Variants in GRIP2 observed in about 807,000 individuals in gnomAD.
GRIP2 encodes the protein glutamate receptor interacting protein 2.
Under a neutral mutation model 108.3 loss-of-function variants are expected in GRIP2, and 58 were observed. The observed-to-expected ratio is 0.54, with a 90% CI of 0.43 to 0.67. GRIP2 has a LOEUF of 0.67. Ranked by LOEUF, GRIP2 falls within the 30% of genes least tolerant of loss-of-function variation. The probability of loss-of-function intolerance (pLI) is 0.00; values close to 1 mark genes in which losing one functional copy is unlikely to be tolerated. For missense variants in GRIP2, 1,278 were observed against 1,430.6 expected (o/e 0.89, Z 1.72); for synonymous variants, 586 against 598.2 (o/e 0.98, Z 0.30).
chr3:14,521,812 C>G lies in GRIP2; in HGVS notation c.567-25G>C. On this transcript the variant is annotated intron_variant, in intron 6 of 23. Coordinates refer to ENST00000621039, the MANE Select transcript of GRIP2 (RefSeq NM_001080423.4). The surrounding 1 kb of genome is among the most constrained non-coding windows in gnomAD (Gnocchi z 5.1). ...CCTGTAGGGAAGGGCCAGTCACCAGCCTGGCCCGGCAGCAGCACTGGGCAC... is the reference window on the plus strand; with the variant it reads ...CCTGTAGGGAAGGGCCAGTCACCAGGCTGGCCCGGCAGCAGCACTGGGCAC... The G allele has an allele frequency of 6.4e-7, 1 of 1,556,118 alleles. No individual in the cohort carries two copies. The highest frequency in any genetic ancestry group is 1.2e-5 in the South Asian group (1 of 82,246).
chr3:14,518,111 C>G (rs1171523740), intron 9 of GRIP2, among the ~76,000 whole-genome samples: 2 of 152,192 alleles, frequency 1.3e-5, no homozygotes, highest in African/African-American at 4.8e-5. Flanking sequence ...GAGGCAGGGA[C>G]AGGAGAGAGA....
the GRIP2 span, among the ~76,000 whole-genome samples, chr3:14,583,951 G>A: frequency 6.6e-6 from 1 of 152,168 alleles, no homozygotes; most frequent in Non-Finnish European, 1.5e-5. Flanking sequence ...AGTTTGAGCA[G>A]CCCTAGAATT....
chr3:14,509,703 C>A (rs1694029771), intron 17 of GRIP2, 117 bp downstream of exon 17: 4 of 1,079,434 alleles, frequency 3.7e-6, no homozygotes, highest in Non-Finnish European at 4.9e-6. Context: ...CCCAATGTCA[C>A]CCACAGTGTC....
rs754419308 is a variant in GRIP2 at position 14,496,423 on chromosome 3, C to T, written c.2817G>A (p.Met939Ile). The T allele has an allele frequency of 3.1e-6, 5 of 1,609,868 alleles. No homozygotes were observed. In the South Asian group the frequency reaches 5.5e-5, roughly 18 times the overall value. The stretch of plus-strand genomic sequence containing the variant: ...GCTCACCCCCTGTGCCTACCTTGTG[C>T]ATCTCCAAGGGTGTAGGCAGCAACA... ...EELLLPTPLE[M>I]HKVTLHKDPM... The change falls in exon 22 of 24, where the codon ATG (methionine) becomes ATA (isoleucine). Residue 939 changes from methionine (M) to isoleucine (I), a missense_variant. Met to Ile is a conservative substitution (Grantham distance 10). Coordinates refer to ENST00000621039, the MANE Select transcript of GRIP2 (RefSeq NM_001080423.4).
chr3:14,574,113 T>C, the GRIP2 span: 1 of 1,087,276 alleles, frequency 9.2e-7, no homozygotes, highest in Admixed American at 1.7e-5. Flanking sequence ...CATCGTTTCA[T>C]GCTGTGAGAA....
upstream of GRIP2, among the ~76,000 whole-genome samples, chr3:14,541,142 G>A (rs1437431181): frequency 6.6e-6 from 1 of 152,258 alleles, no homozygotes; most frequent in Non-Finnish European, 1.5e-5. Context: ...GGACTGACCA[G>A]GCTGATCTTA....
chr3:14,595,492 A>T, the GRIP2 span, among the ~76,000 whole-genome samples: 6 of 152,182 alleles, frequency 3.9e-5, no homozygotes, highest in Non-Finnish European at 5.9e-5. Context: ...TTAGACGCAC[A>T]CAGCATCCCC....
chr3:14,586,595 G>A, the GRIP2 span, among the ~76,000 whole-genome samples: 1 of 152,206 alleles, frequency 6.6e-6, no homozygotes, highest in East Asian at 1.9e-4. Context: ...GGAATGTAGA[G>A]AGGGATAAAT....
In GRIP2 at chr3:14,517,088, G is replaced by A. The variant is rs1205562054; in HGVS notation, c.1282C>T (p.Arg428Ter). 19 of 1,596,532 alleles carry A rather than the reference G, an allele frequency of 1.2e-5. No homozygotes were observed. The highest frequency in any genetic ancestry group is 2.3e-5 in the South Asian group (2 of 88,530). Residue 428 changes from arginine to a stop codon, truncating the protein, a stop_gained, in exon 11 of 24, where the codon CGA becomes TGA. Transcript: ENST00000621039. LOFTEE classifies it high-confidence loss of function. ...PRTTMGRRRQ[R>*]RREHKSSLSL... ...CACGAGCTCTTGTGTTCCCTTCTTCGCTGCCTCCTCCGCCCCATTGTAGTT... is the reference window on the plus strand; with the variant it reads ...CACGAGCTCTTGTGTTCCCTTCTTCACTGCCTCCTCCGCCCCATTGTAGTT...
the GRIP2 span, among the ~76,000 whole-genome samples, chr3:14,601,185 C>T: frequency 1.3e-5 from 2 of 152,168 alleles, no homozygotes; most frequent in African/African-American, 4.8e-5. Context: ...CTGTTCTGGA[C>T]TGTGTGCTTT....
chr3:14,509,342 C>T (rs1295810044), intron 17 of GRIP2, among the ~76,000 whole-genome samples: 1 of 152,236 alleles, frequency 6.6e-6, no homozygotes, highest in East Asian at 1.9e-4. Context: ...CTCTGACCTC[C>T]ACCTCACCCT....
At chr3:14,501,972 G>A (rs1057110509) in intron 21 of GRIP2, among the ~76,000 whole-genome samples, 1 of 152,000 alleles carries the variant, frequency 6.6e-6, no homozygotes, top group African/African-American at 2.4e-5. Flanking sequence ...AAAGATGGAC[G>A]ATCAGAAGAA....
intron 1 of GRIP2, among the ~76,000 whole-genome samples, chr3:14,527,406 G>GGAAAGA (rs1553599335): frequency 8.6e-6 from 1 of 116,496 alleles, no homozygotes; most frequent in Non-Finnish European, 1.9e-5. Flanking sequence ...GGAAAGGAAA[G>GGAAAGA]AAGGAAAGCG....
At chr3:14,525,733 A>G (rs1694536461) in intron 2 of GRIP2, 118 bp downstream of exon 2, 1 of 1,308,744 alleles carries the variant, frequency 7.6e-7, no homozygotes, top group South Asian at 1.3e-5. Context: ...AGAGAGGTTA[A>G]GTGGCTGGTC....
At chr3:14,559,994 C>T (rs141241788), upstream of GRIP2, among the ~76,000 whole-genome samples, 167 of 152,222 alleles carry the variant, frequency 1.1e-3, no homozygotes, top group African/African-American at 3.8e-3. Context: ...GGCTCAGACC[C>T]GTAATTCCAG....
chr3:14,595,239 G>C, the GRIP2 span, among the ~76,000 whole-genome samples: 1 of 152,070 alleles, frequency 6.6e-6, no homozygotes, highest in African/African-American at 2.4e-5. Context: ...TGTTGCCCAG[G>C]CTGGTCTAGA....
the GRIP2 span, among the ~76,000 whole-genome samples, chr3:14,570,370 C>T: frequency 6.6e-6 from 1 of 152,270 alleles, no homozygotes; most frequent in Admixed American, 6.5e-5. Flanking sequence ...AAGTCAGAGC[C>T]AGGGGGCCAG....
chr3:14,593,180 C>A, the GRIP2 span, among the ~76,000 whole-genome samples: 1 of 152,222 alleles, frequency 6.6e-6, no homozygotes, highest in African/African-American at 2.4e-5. Context: ...TTCCTGACAC[C>A]CTTGTCTGCC....
chr3:14,597,403 G>C, the GRIP2 span, among the ~76,000 whole-genome samples: 2 of 152,188 alleles, frequency 1.3e-5, no homozygotes, highest in Non-Finnish European at 2.9e-5. Context: ...CCTGAGCCAA[G>C]GACAGAGAAG....
Sources: allele counts gnomAD v4.1 joint callset (sites outside exome capture counted in the v4.1 genomes callset), GRCh38; gene constraint gnomAD v4.1.1; non-coding constraint Gnocchi (gnomAD v3.1); transcripts MANE v1.5; gene names NCBI Gene and HGNC (gene_info 2026-07-23, HGNC 2026-07-21).